Variants in SOX6 observed in about 807,000 individuals in gnomAD.
The protein encoded by SOX6 is SRY-box transcription factor 6, also known as transcription factor SOX-6.
SOX6 carries 11 observed loss-of-function variants against 97.8 expected under a neutral mutation model. The observed-to-expected ratio is 0.11, with a 90% confidence interval of 0.07 to 0.19. SOX6 has a LOEUF of 0.19. Among genes scored for constraint, SOX6 ranks in the 10% least tolerant of loss-of-function variants. The pLI is 1.00. For missense variants in SOX6, 810 were observed against 1,039.5 expected (o/e 0.78, Z 3.04); for synonymous variants, 360 against 371.4 (o/e 0.97, Z 0.35).
At chr11:16,138,067 T>C (rs1236365081) in intron 6 of SOX6, among the ~76,000 whole-genome samples, 3 of 152,194 alleles carry the variant, frequency 2.0e-5, no homozygotes, top group African/African-American at 7.2e-5. Context: ...TGCAAATATA[T>C]ACATATTTCT....
At chr11:16,006,958 G>A (rs993578845) in intron 13 of SOX6, among the ~76,000 whole-genome samples, 7 of 152,002 alleles carry the variant, frequency 4.6e-5, no homozygotes, top group African/African-American at 1.7e-4. Flanking sequence ...CCTAGCACCG[G>A]AGATTCAGTC....
At chr11:16,712,884 T>TAA (rs1406075070) in intron 3 of SOX6, among the ~76,000 whole-genome samples, 2 of 152,220 alleles carry the variant, frequency 1.3e-5, no homozygotes, top group Non-Finnish European at 2.9e-5. Context: ...CCTGGCACAA[T>TAA]AAATAATAGC....
At chr11:16,670,499 A>G (rs2134024037) in intron 3 of SOX6, among the ~76,000 whole-genome samples, 1 of 152,204 alleles carries the variant, frequency 6.6e-6, no homozygotes, top group East Asian at 1.9e-4. Flanking sequence ...TGCCCTTGCT[A>G]CACTTGGGCT....
intron 2 of SOX6, among the ~76,000 whole-genome samples, chr11:16,322,256 T>C (rs1408415661): frequency 6.6e-6 from 1 of 152,154 alleles, no homozygotes; most frequent in African/African-American, 2.4e-5. Context: ...GATTAAATCA[T>C]GGAGGCAGAC....
chr11:16,499,022 C>CA (rs1860657262), intron 4 of SOX6, among the ~76,000 whole-genome samples: 1 of 152,134 alleles, frequency 6.6e-6, no homozygotes, highest in African/African-American at 2.4e-5. Flanking sequence ...TTCAGCACCA[C>CA]TCACACCTAT....
intron 3 of SOX6, among the ~76,000 whole-genome samples, chr11:16,284,540 A>G (rs561669075): frequency 6.6e-6 from 1 of 152,266 alleles, no homozygotes; most frequent in East Asian, 1.9e-4. Flanking sequence ...ACTCCCCAAC[A>G]GATATTTATT....
At chr11:16,301,303 G>A (rs1029189217) in intron 3 of SOX6, among the ~76,000 whole-genome samples, 26 of 152,038 alleles carry the variant, frequency 1.7e-4, no homozygotes, top group Admixed American at 1.6e-3. Flanking sequence ...AACCGATCAC[G>A]AAGATGGCTA....
At chr11:16,334,888 A>G (rs969469617) in intron 2 of SOX6, among the ~76,000 whole-genome samples, 5 of 152,166 alleles carry the variant, frequency 3.3e-5, no homozygotes, top group African/African-American at 1.2e-4. Flanking sequence ...TCATACCAGT[A>G]ACCCTTTGTT....
At chr11:16,619,275 G>A (rs2133987524) in intron 3 of SOX6, among the ~76,000 whole-genome samples, 1 of 149,896 alleles carries the variant, frequency 6.7e-6, no homozygotes, top group South Asian at 2.1e-4. Flanking sequence ...AATCACTGAT[G>A]TTTGTCCTTG....
intron 1 of SOX6, among the ~76,000 whole-genome samples, chr11:16,368,581 T>A (rs1857420783): frequency 1.3e-5 from 2 of 152,158 alleles, no homozygotes. Flanking sequence ...AGTTTAACCC[T>A]TATCTTATGC....
intron 3 of SOX6, among the ~76,000 whole-genome samples, chr11:16,654,851 G>A (rs950561130): frequency 6.6e-6 from 1 of 152,054 alleles, no homozygotes; most frequent in Middle Eastern, 3.4e-3. Context: ...ACCTGTTGAG[G>A]GACAGTTACT....
At chr11:16,097,731 G>A in intron 7 of SOX6, 43 bp from the exon 8 acceptor site, 1 of 1,542,220 alleles carries the variant, frequency 6.5e-7, no homozygotes, top group South Asian at 1.1e-5. Flanking sequence ...CAATGCACAG[G>A]GAATTGCAGC....
chr11:16,471,500 A>G (rs1365506041), intron 1 of SOX6, among the ~76,000 whole-genome samples: 1 of 152,208 alleles, frequency 6.6e-6, no homozygotes, highest in African/African-American at 2.4e-5. Flanking sequence ...GCCATGAGGT[A>G]TAACTTTCTG....
intron 1 of SOX6, among the ~76,000 whole-genome samples, chr11:16,391,075 AG>A (rs1858164113): frequency 6.6e-6 from 1 of 152,226 alleles, no homozygotes; most frequent in South Asian, 2.1e-4. Context: ...CGTCATTCTC[AG>A]CAAACTATCA....
intron 1 of SOX6, among the ~76,000 whole-genome samples, chr11:16,430,848 G>C (rs1023761345): frequency 6.6e-6 from 1 of 152,134 alleles, no homozygotes; most frequent in Non-Finnish European, 1.5e-5. Context: ...GTCAGACCAT[G>C]TCACTTTTCT....
chr11:16,078,874 G>A (rs1848413874), intron 9 of SOX6, among the ~76,000 whole-genome samples: 2 of 152,122 alleles, frequency 1.3e-5, no homozygotes, highest in South Asian at 4.2e-4. Flanking sequence ...TATGGCAAGG[G>A]TGTACTTGTG....
At chr11:16,132,428 AGAAAGAAAGAAAGAAAAAAG>A (rs1564972519) in intron 6 of SOX6, among the ~76,000 whole-genome samples, 4 of 106,318 alleles carry the variant, frequency 3.8e-5, no homozygotes, top group Non-Finnish European at 7.1e-5. Context: ...AAAGAAAGAA[AGAAAGAAAGAAAGAAAAAAG>A]AAAGAAAGAA....
At chr11:16,273,559 C>G (rs1200052275) in intron 3 of SOX6, among the ~76,000 whole-genome samples, 1 of 151,882 alleles carries the variant, frequency 6.6e-6, no homozygotes, top group Non-Finnish European at 1.5e-5. Flanking sequence ...GAGTTCTCCC[C>G]CACATCTACC....
At chr11:16,707,741 A>G (rs1400133005) in intron 3 of SOX6, among the ~76,000 whole-genome samples, 1 of 152,204 alleles carries the variant, frequency 6.6e-6, no homozygotes, top group Non-Finnish European at 1.5e-5. Flanking sequence ...AAACCTTTAC[A>G]GTAATTCTAG....
Sources: allele counts gnomAD v4.1 joint callset (sites outside exome capture counted in the v4.1 genomes callset), GRCh38; gene constraint gnomAD v4.1.1; transcripts MANE v1.5; gene names NCBI Gene and HGNC (gene_info 2026-07-23, HGNC 2026-07-21).